LOXL2: variants seen among roughly 807,000 people sequenced by gnomAD.
LOXL2 encodes lysyl oxidase like 2.
LOXL2 carries 70 observed loss-of-function variants against 93.0 expected under a neutral mutation model. The ratio of observed to expected loss-of-function variants is 0.75; its 90% CI spans 0.62 to 0.92. The LOEUF (loss-of-function observed/expected upper bound fraction) is 0.92, where lower values mean the gene tolerates loss of function less well. Among genes scored for constraint, LOXL2 ranks in the 40% least tolerant of loss-of-function variants. The pLI is 0.00. For missense variants in LOXL2, 973 were observed against 1,054.9 expected (o/e 0.92, Z 1.08); for synonymous variants, 438 against 413.2 (o/e 1.06, Z -0.73).
Position 23,328,362 on chromosome 8 carries a change from C to G in LOXL2, c.1150+20G>C. ...ATGCTCCCAGGAAGAGAGGCCCCCTCTAGCCTCCCCATTCCTTACCTTGCC... is the reference window on the plus strand; with the variant it reads ...ATGCTCCCAGGAAGAGAGGCCCCCTGTAGCCTCCCCATTCCTTACCTTGCC... On this transcript the variant is annotated intron_variant, in intron 6 of 13. Transcript: ENST00000389131. 6.2e-7 allele frequency: 1 copy of G among 1,612,602 alleles called. No homozygotes were observed. Among genetic ancestry groups the G allele is most frequent in the Non-Finnish European group, 8.5e-7 (1 of 1,179,364 alleles).
chr8:23,360,409 A>C (rs1804270799), intron 2 of LOXL2, 144 bp from the exon 3 acceptor site: 2 of 597,822 alleles, frequency 3.3e-6, no homozygotes, highest in Admixed American at 5.9e-5. Flanking sequence ...TTATATTAAG[A>C]TATTGCACAT....
intron 6 of LOXL2, among the ~76,000 whole-genome samples, chr8:23,324,027 A>T (rs906119112): frequency 6.6e-6 from 1 of 152,190 alleles, no homozygotes; most frequent in African/African-American, 2.4e-5. Flanking sequence ...TATTTCTGCC[A>T]CTTGACATGA....
rs1804249371 is a variant in LOXL2, at chr8:23,359,297, C to A, written c.531+793G>T. Among the ~76,000 whole-genome samples the A allele has an allele frequency of 8.5e-5, 13 of 152,270 alleles. No homozygotes were observed. In the South Asian group the frequency reaches 2.7e-3, roughly 32 times the overall value. On this transcript the variant is annotated intron_variant, in intron 3 of 13. Coordinates refer to ENST00000389131, the MANE Select transcript of LOXL2 (RefSeq NM_002318.3). ...CTCTACCAGAGTTAGTCTGTGTGAT[C>A]CATAGAATACAGCAGAAATGATGGC...
At chr8:23,346,478 G>A (rs1029682354) in intron 3 of LOXL2, among the ~76,000 whole-genome samples, 3 of 152,210 alleles carry the variant, frequency 2.0e-5, no homozygotes, top group South Asian at 2.1e-4. Context: ...GACCATGCAA[G>A]GGACTTGTCA....
At chr8:23,325,254 TA>T (rs1182964105) in intron 6 of LOXL2, among the ~76,000 whole-genome samples, 1 of 152,222 alleles carries the variant, frequency 6.6e-6, no homozygotes, top group Non-Finnish European at 1.5e-5. Flanking sequence ...AAATTGTGGC[TA>T]CTAGAAAATG....
At chr8:23,369,173 T>G (rs1242751163) in intron 1 of LOXL2, among the ~76,000 whole-genome samples, 1 of 152,078 alleles carries the variant, frequency 6.6e-6, no homozygotes, top group Non-Finnish European at 1.5e-5. Context: ...ACAGGAACAT[T>G]TGCTAGATGA....
intron 5 of LOXL2, among the ~76,000 whole-genome samples, chr8:23,330,622 G>A (rs969405184): frequency 9.2e-5 from 14 of 152,094 alleles, no homozygotes; most frequent in African/African-American, 2.4e-4. Flanking sequence ...AGGCACGCTC[G>A]CTCTGTTTTA....
Position 23,368,232 on chromosome 8 carries a change from C to A in LOXL2, c.120G>T (p.Pro40=). The part of the protein sequence containing the change: ...WPHYPEYFQQ[P]APEYHQPQAP... ...CCTGGGGCTGGTGATACTCAGGAGC[C>A]GGTTGCTGGAAGTACTCGGGGTAAT... Residue 40 remains proline, a synonymous_variant, in exon 2 of 14, where the codon CCG becomes CCT. Coordinates refer to ENST00000389131, the MANE Select transcript of LOXL2 (RefSeq NM_002318.3). 1 of 1,613,868 alleles carries A rather than the reference C, an allele frequency of 6.2e-7. No homozygotes were observed. The highest frequency in any genetic ancestry group is 8.5e-7 in the Non-Finnish European group (1 of 1,180,010).
chr8:23,390,377 G>A (rs1321872534), intron 1 of LOXL2, among the ~76,000 whole-genome samples: 4 of 152,238 alleles, frequency 2.6e-5, no homozygotes, highest in Non-Finnish European at 5.9e-5. Flanking sequence ...CTTGGTCCGG[G>A]CTGTCTGATC....
intron 1 of LOXL2, among the ~76,000 whole-genome samples, chr8:23,397,279 T>C (rs1180118420): frequency 6.6e-6 from 1 of 152,172 alleles, no homozygotes; most frequent in Non-Finnish European, 1.5e-5. Context: ...AGATGGCTGA[T>C]GGTGATGGTA....
chr8:23,339,192 A>C (rs1372725489), intron 4 of LOXL2, among the ~76,000 whole-genome samples: 1 of 152,160 alleles, frequency 6.6e-6, no homozygotes, highest in African/African-American at 2.4e-5. Flanking sequence ...GACAGGGCCA[A>C]GCTGAGAAGG....
intron 1 of LOXL2, among the ~76,000 whole-genome samples, chr8:23,372,814 C>G (rs959702048): frequency 2.0e-5 from 3 of 152,008 alleles, no homozygotes; most frequent in African/African-American, 7.3e-5. Context: ...TTTTACACAC[C>G]TCTGTCAGTA....
chr8:23,390,092 G>C (rs1804817984), intron 1 of LOXL2, among the ~76,000 whole-genome samples: 4 of 152,148 alleles, frequency 2.6e-5, no homozygotes, highest in Admixed American at 2.0e-4. Flanking sequence ...GGCTAGGGTG[G>C]GGTCTCTCTC....
chr8:23,376,226 G>T (rs1018155272), intron 1 of LOXL2, among the ~76,000 whole-genome samples: 1 of 152,038 alleles, frequency 6.6e-6, no homozygotes, highest in African/African-American at 2.4e-5. Context: ...GTTCTGTTTA[G>T]ATGCTGGATT....
At chr8:23,332,530 CCACT>C (rs1259021653) in intron 5 of LOXL2, among the ~76,000 whole-genome samples, 2 of 96,822 alleles carry the variant, frequency 2.1e-5, no homozygotes, top group Admixed American at 1.1e-4. Flanking sequence ...ACACACACCC[CCACT>C]CATACACCCC....
chr8:23,348,599 C>T (rs1420166858), intron 3 of LOXL2, among the ~76,000 whole-genome samples: 5 of 151,826 alleles, frequency 3.3e-5, no homozygotes, highest in African/African-American at 4.8e-5. Flanking sequence ...TGGCCTCGGC[C>T]GGGTGCGGTG....
At chr8:23,400,707 GATTGTCC>G (rs1237967278) in intron 1 of LOXL2, among the ~76,000 whole-genome samples, 3 of 152,158 alleles carry the variant, frequency 2.0e-5, no homozygotes, top group African/African-American at 4.8e-5. Flanking sequence ...AGAGAGGGGA[GATTGTCC>G]TCTACTAGAT....
intron 1 of LOXL2, among the ~76,000 whole-genome samples, chr8:23,399,674 TTTTG>T (rs1181999981): frequency 6.6e-6 from 1 of 152,210 alleles, no homozygotes; most frequent in African/African-American, 2.4e-5. Flanking sequence ...ACTAAATTCC[TTTTG>T]TTTAATAAAC....
At chr8:23,394,396 G>GAAA (rs1159727066) in intron 1 of LOXL2, among the ~76,000 whole-genome samples, 4 of 64,356 alleles carry the variant, frequency 6.2e-5, no homozygotes, top group Non-Finnish European at 1.3e-4. Context: ...CTGTCTCAGA[G>GAAA]AAAAAAAAAA....
Sources: allele counts gnomAD v4.1 joint callset (sites outside exome capture counted in the v4.1 genomes callset), GRCh38; gene constraint gnomAD v4.1.1; transcripts MANE v1.5; gene names NCBI Gene and HGNC (gene_info 2026-07-23, HGNC 2026-07-21).